FHAD1: variants seen among roughly 807,000 people sequenced by gnomAD.
The protein encoded by FHAD1 is forkhead associated phosphopeptide binding domain 1.
In FHAD1, 146 loss-of-function variants were observed where a neutral mutation model predicts 191.3. The ratio of observed to expected loss-of-function variants is 0.76; its 90% CI spans 0.67 to 0.88. The LOEUF is 0.88. Among genes scored for constraint, FHAD1 ranks in the 40% least tolerant of loss-of-function variants. The pLI is 0.00. For synonymous variants in FHAD1, 616 were observed against 672.3 expected, an observed-to-expected ratio of 0.92 and a Z score of 1.29; for missense variants, 1,635 against 1,785.8, an observed-to-expected ratio of 0.92 and a Z score of 1.52.
At chr1:15,277,368 T>A (rs1658774036) in intron 3 of FHAD1, among the ~76,000 whole-genome samples, 1 of 152,216 alleles carries the variant, frequency 6.6e-6, no homozygotes, top group Non-Finnish European at 1.5e-5. Context: ...AATGGCAATC[T>A]AGCCTTTCTG....
At chr1:15,315,368 T>C (rs993005809) in intron 8 of FHAD1, 2 of 152,142 alleles carry the variant, frequency 1.3e-5, no homozygotes, top group Non-Finnish European at 2.9e-5. Context: ...CTTTAAACAA[T>C]TACTGTTTCC....
chr1:15,390,018 C>T (rs1359283604), intron 32 of FHAD1, among the ~76,000 whole-genome samples: 2 of 152,160 alleles, frequency 1.3e-5, no homozygotes, highest in African/African-American at 4.8e-5. Flanking sequence ...AAAATAGCAG[C>T]CCACGGCTAT....
chr1:15,343,395 C>A (rs1209672879), intron 16 of FHAD1, among the ~76,000 whole-genome samples: 1 of 151,636 alleles, frequency 6.6e-6, no homozygotes, highest in Non-Finnish European at 1.5e-5. Flanking sequence ...TCCACCGGAC[C>A]CCAACTCTTC....
chr1:15,258,257 C>T (rs1649258066), intron 2 of FHAD1, among the ~76,000 whole-genome samples: 1 of 151,996 alleles, frequency 6.6e-6, no homozygotes, highest in Admixed American at 6.5e-5. Flanking sequence ...CCCCCAGTCC[C>T]TGGCAGCCAC....
chr1:15,365,837 T>G lies in FHAD1; in HGVS notation c.3058T>G (p.Leu1020Val). The change falls in exon 24 of 34, where the codon TTG becomes GTG. Residue 1020 changes from leucine to valine, a missense_variant. By Grantham distance (32) the Leu-to-Val change is conservative. Transcript: ENST00000688493. ...TTTTGTGAATTTCAGAGATGACTTA[T>G]TGGCTGCTCAGAAGGAAATTCTGTC... ...MAYEHLIDDL[L>V]AAQKEILSQQ... 1 of 1,550,524 alleles carries G rather than the reference T, an allele frequency of 6.4e-7. No individual in the cohort carries two copies. The highest frequency in any genetic ancestry group is 8.7e-7 in the Non-Finnish European group (1 of 1,145,894).
In FHAD1 at chr1:15,311,626, G is replaced by A. The variant is rs1367993955; in HGVS notation, c.1040-1431G>A. Among the ~76,000 whole-genome samples the A allele has an allele frequency of 5.3e-5, 8 of 152,134 alleles. No individual in the cohort carries two copies. The highest frequency in any genetic ancestry group is 7.4e-5 in the Non-Finnish European group (5 of 68,014). On this transcript the variant is annotated intron_variant, in intron 7 of 33. Coordinates refer to ENST00000688493, the MANE Select transcript of FHAD1 (RefSeq NM_001391957.1). This position sits in a 1 kb window ranked among gnomAD's most constrained non-coding sequence, Gnocchi z 4.1. ...ATGTTGTTCTTTATTACACATCCTTGATTGTGCAATAAAGATTGATTCTTG... is the reference window on the plus strand; with the variant it reads ...ATGTTGTTCTTTATTACACATCCTTAATTGTGCAATAAAGATTGATTCTTG...
At chr1:15,348,754 G>A (rs1689796716) in intron 18 of FHAD1, among the ~76,000 whole-genome samples, 1 of 152,114 alleles carries the variant, frequency 6.6e-6, no homozygotes, top group African/African-American at 2.4e-5. Context: ...GCTTTCCTCT[G>A]CGCAGGCTTC....
intron 5 of FHAD1, among the ~76,000 whole-genome samples, chr1:15,298,786 C>G (rs1056688017): frequency 1.1e-4 from 17 of 152,150 alleles, no homozygotes; most frequent in African/African-American, 3.9e-4. Flanking sequence ...AGGATCCAAC[C>G]ACGTTTCTAA....
chr1:15,389,729 T>C (rs1287103514), intron 32 of FHAD1, among the ~76,000 whole-genome samples: 2 of 152,120 alleles, frequency 1.3e-5, no homozygotes, highest in African/African-American at 4.8e-5. Context: ...ACTGTCCCCG[T>C]GGGTCTGGGG....
At position 15,316,592 on chromosome 1, in the gene FHAD1, C is replaced by A. The variant is rs917789416; in HGVS notation, c.1260+125C>A. 3.8e-6 allele frequency: 3 copies of A among 794,328 alleles called. No individual in the cohort carries two copies. Among genetic ancestry groups the A allele is most frequent in the Non-Finnish European group, 6.1e-6 (3 of 493,178 alleles). The allele number at this position is 794,328 out of a possible 1,614,324, so 49.2% of individuals were successfully genotyped here. A position where few individuals can be genotyped will look rare whatever the true frequency, so the allele number is the denominator to read the frequency against. ...TGGGGCTCTGTGCTTGCTTGTTTAA[C>A]ATAGTCTCATTGCTCTTTGATCTGC... is the stretch of plus-strand genomic sequence containing the variant. On this transcript the variant is annotated intron_variant, in intron 9 of 33. Transcript: ENST00000688493. The surrounding 1 kb of genome is among the most constrained non-coding windows in gnomAD (Gnocchi z 4.3).
At chr1:15,384,854 A>G (rs1469911606) in intron 31 of FHAD1, among the ~76,000 whole-genome samples, 1 of 152,168 alleles carries the variant, frequency 6.6e-6, no homozygotes, top group Non-Finnish European at 1.5e-5. Context: ...GCCTGCGAGG[A>G]GGGCTGCCGG....
intron 11 of FHAD1, chr1:15,326,663 G>A (rs1302011991): frequency 1.2e-5 from 2 of 162,364 alleles, no homozygotes; most frequent in African/African-American, 4.8e-5. Context: ...CTTCCTTGCT[G>A]ACTACACAAT....
chr1:15,345,562 G>T, intron 18 of FHAD1, 39 bp downstream of exon 18: 1 of 1,474,034 alleles, frequency 6.8e-7, no homozygotes, highest in Non-Finnish European at 9.3e-7. Flanking sequence ...GCCCCAGTCG[G>T]CTTGAGGGCC....
intron 8 of FHAD1, among the ~76,000 whole-genome samples, chr1:15,315,398 T>C (rs1674046981): frequency 6.6e-6 from 1 of 152,120 alleles, no homozygotes; most frequent in Non-Finnish European, 1.5e-5. Context: ...TAAGAGCTTT[T>C]CTCATGGGTC....
chr1:15,317,173 A>G (rs975692206), intron 9 of FHAD1, among the ~76,000 whole-genome samples: 5 of 152,354 alleles, frequency 3.3e-5, no homozygotes, highest in African/African-American at 1.2e-4. Context: ...CCTGGGCAAC[A>G]GAGCGAGACT....
At chr1:15,365,996 C>A in intron 24 of FHAD1, 63 bp downstream of exon 24, 1 of 1,210,806 alleles carries the variant, frequency 8.3e-7, no homozygotes, top group Non-Finnish European at 1.2e-6. Flanking sequence ...GGAGATGAGG[C>A]TAAAGAGTCG....
intron 2 of FHAD1, among the ~76,000 whole-genome samples, chr1:15,257,323 C>T (rs16851480): frequency 0.59 from 89,176 of 152,030 alleles, 26,446 homozygotes; most frequent in East Asian, 0.7. Flanking sequence ...ATCCAAGAGG[C>T]GAAACATGGT....
Position 15,374,539 on chromosome 1 carries a change from G to A in FHAD1, c.3485G>A (p.Gly1162Glu), listed in dbSNP as rs776924307. ...AGCGATCTAGGGGTCAGGTGCAAAG[G>A]GTCCCGGCACGAGGAGGTCATTCAG... ...SFSDLGVRCK[G>E]SRHEEVIQRQ... Residue 1162 changes from glycine (G) to glutamate (E), a missense_variant, in exon 27 of 34, where the codon GGG becomes GAG. Transcript: ENST00000688493. The A allele has an allele frequency of 1.6e-5, 25 of 1,551,580 alleles. No individual in the cohort carries two copies. The highest frequency in any genetic ancestry group is 2.2e-5 in the Non-Finnish European group (25 of 1,147,008).
rs1663938277 is a variant in FHAD1, at chr1:15,289,875, CG to C, written c.568+210del. On this transcript the variant is annotated intron_variant, in intron 4 of 33. Coordinates refer to ENST00000688493, the MANE Select transcript of FHAD1 (RefSeq NM_001391957.1). The surrounding 1 kb of genome is among the most constrained non-coding windows in gnomAD (Gnocchi z 4.2). ...GGGTCTCCCTATTGACTCTCTGCTG[CG>C]TATCCCTCCAGCCTCTGTGCTGTGT... Among the ~76,000 whole-genome samples the C allele has an allele frequency of 6.6e-6, 1 of 152,178 alleles. No individual in the cohort carries two copies.
Sources: gnomAD v4.1 joint callset for allele counts (sites outside exome capture counted in the v4.1 genomes callset) on GRCh38, gnomAD v4.1.1 for gene constraint, Gnocchi (gnomAD v3.1) non-coding constraint, MANE v1.5 for transcripts, NCBI Gene and HGNC (gene_info 2026-07-23, HGNC 2026-07-21) for gene names.